The following ADGRL3 variants were observed in gnomAD, a reference collection of about 807,000 sequenced individuals.
The protein encoded by ADGRL3 is adhesion G protein-coupled receptor L3.
ADGRL3 carries 62 observed loss-of-function variants against 153.5 expected under a neutral mutation model. That is an observed-to-expected ratio of 0.40 (90% confidence interval 0.33 to 0.50). The LOEUF (loss-of-function observed/expected upper bound fraction) is 0.50, where lower values mean the gene tolerates loss of function less well. Ranked by LOEUF, ADGRL3 falls within the 20% of genes least tolerant of loss-of-function variation. The pLI is 0.47. For synonymous variants in ADGRL3, 710 were observed against 672.5 expected, an observed-to-expected ratio of 1.06 and a Z score of -0.86; for missense variants, 1,641 against 1,859.4, an observed-to-expected ratio of 0.88 and a Z score of 2.16.
chr4:62,054,387 C>T (rs1735893153), intron 25 of ADGRL3, among the ~76,000 whole-genome samples: 1 of 151,574 alleles, frequency 6.6e-6, no homozygotes, highest in South Asian at 2.1e-4. Context: ...AGTTTCAATC[C>T]TACCACTGTT....
chr4:61,984,685 GT>G (rs1026097469), intron 19 of ADGRL3, among the ~76,000 whole-genome samples: 2 of 152,056 alleles, frequency 1.3e-5, no homozygotes, highest in Non-Finnish European at 2.9e-5. Flanking sequence ...CAACAAGTCT[GT>G]TTTTTTAAGA....
At chr4:62,041,882 T>A (rs1274339396) in intron 24 of ADGRL3, among the ~76,000 whole-genome samples, 3 of 151,994 alleles carry the variant, frequency 2.0e-5, no homozygotes, top group Non-Finnish European at 4.4e-5. Context: ...GTGCAGTGAG[T>A]TGTTAACCTC....
At chr4:61,469,424 A>G (rs534344728) in intron 2 of ADGRL3, among the ~76,000 whole-genome samples, 30 of 152,180 alleles carry the variant, frequency 2.0e-4, no homozygotes, top group African/African-American at 6.5e-4. Flanking sequence ...TGACTAAGTA[A>G]AGACTTTTGT....
intron 8 of ADGRL3, among the ~76,000 whole-genome samples, chr4:61,752,116 A>G (rs2096764593): frequency 6.6e-6 from 1 of 152,196 alleles, no homozygotes; most frequent in Non-Finnish European, 1.5e-5. Context: ...CAATTTGTCC[A>G]TACTTACCTC....
chr4:61,964,067 C>G (rs1372042923), intron 17 of ADGRL3, among the ~76,000 whole-genome samples: 1 of 152,098 alleles, frequency 6.6e-6, no homozygotes, highest in Non-Finnish European at 1.5e-5. Flanking sequence ...TCTTTATTTC[C>G]CAAGTTTATA....
chr4:62,035,826 G>A (rs1724678690), intron 23 of ADGRL3, among the ~76,000 whole-genome samples: 1 of 152,048 alleles, frequency 6.6e-6, no homozygotes, highest in South Asian at 2.1e-4. Context: ...TGACTTTTCA[G>A]TCTTGTAGTT....
intron 1 of ADGRL3, among the ~76,000 whole-genome samples, chr4:61,357,700 T>A (rs1171640718): frequency 6.6e-6 from 1 of 152,178 alleles, no homozygotes; most frequent in Non-Finnish European, 1.5e-5. Context: ...TGAAAATACA[T>A]ATATGTAAAT....
intron 2 of ADGRL3, among the ~76,000 whole-genome samples, chr4:61,462,607 TAATA>T (rs200420205): frequency 0.011 from 1,702 of 152,248 alleles, 32 homozygotes; most frequent in African/African-American, 0.039. Flanking sequence ...TACTTTCCCT[TAATA>T]AATTATCTAA....
chr4:61,554,577 C>T (rs147308458), intron 4 of ADGRL3, among the ~76,000 whole-genome samples: 1 of 152,168 alleles, frequency 6.6e-6, no homozygotes, highest in Non-Finnish European at 1.5e-5. Flanking sequence ...TGTGTGTGCA[C>T]TGTGTGCATG....
chr4:61,202,837 G>C lies in ADGRL3; in HGVS notation c.-240+1072G>C. Among the ~76,000 whole-genome samples the C allele has an allele frequency of 6.6e-6, 1 of 152,222 alleles. No homozygotes were observed. The highest frequency in any genetic ancestry group is 1.9e-4 in the East Asian group (1 of 5,182). On this transcript the variant is annotated intron_variant, in intron 1 of 26. Transcript: ENST00000683033. The surrounding 1 kb of genome is among the most constrained non-coding windows in gnomAD (Gnocchi z 5.0). ...ACTTGGCGGCGGAGTCAGCGTTTGA[G>C]TGTGTGCGCATTTTTGCGCCCCAGG...
At chr4:61,384,124 G>C (rs898809161) in intron 2 of ADGRL3, among the ~76,000 whole-genome samples, 2 of 151,828 alleles carry the variant, frequency 1.3e-5, no homozygotes, top group African/African-American at 4.8e-5. Flanking sequence ...AGTAAAGAGT[G>C]ACTTAAAACT....
chr4:61,274,807 G>C (rs1029018920), intron 1 of ADGRL3, among the ~76,000 whole-genome samples: 4 of 152,034 alleles, frequency 2.6e-5, no homozygotes, highest in Non-Finnish European at 5.9e-5. Flanking sequence ...GGTGGTGCAC[G>C]CTTGTTGTCA....
At chr4:61,927,846 A>G (rs1392021463) in intron 13 of ADGRL3, among the ~76,000 whole-genome samples, 1 of 152,080 alleles carries the variant, frequency 6.6e-6, no homozygotes, top group East Asian at 1.9e-4. Context: ...ATTAAAGAAA[A>G]TTTTGTTTTT....
At chr4:61,327,279 C>T (rs2095484465) in intron 1 of ADGRL3, among the ~76,000 whole-genome samples, 1 of 150,346 alleles carries the variant, frequency 6.7e-6, no homozygotes, top group African/African-American at 2.4e-5. Flanking sequence ...ACATCCAGAG[C>T]TTCAAAAGTA....
At chr4:62,005,676 T>C (rs1410660459) in intron 21 of ADGRL3, among the ~76,000 whole-genome samples, 1 of 151,950 alleles carries the variant, frequency 6.6e-6, no homozygotes, top group Non-Finnish European at 1.5e-5. Context: ...AAAATCTGAA[T>C]TAATTTAAAC....
chr4:61,964,770 T>G (rs898721647), intron 17 of ADGRL3, among the ~76,000 whole-genome samples: 2 of 151,970 alleles, frequency 1.3e-5, no homozygotes, highest in African/African-American at 2.4e-5. Flanking sequence ...AAAATTTAAA[T>G]ATAATGGTTC....
chr4:61,485,842 C>A (rs1034843973), intron 2 of ADGRL3, among the ~76,000 whole-genome samples: 4 of 151,806 alleles, frequency 2.6e-5, no homozygotes, highest in Non-Finnish European at 5.9e-5. Flanking sequence ...CCCTGAAATG[C>A]ATACTGTAGC....
At chr4:61,256,127 C>G (rs2091941342) in intron 1 of ADGRL3, among the ~76,000 whole-genome samples, 1 of 152,154 alleles carries the variant, frequency 6.6e-6, no homozygotes, top group Admixed American at 6.5e-5. Flanking sequence ...TTTCTCAAAA[C>G]ACATTTTTTA....
rs1746139751 is a variant in ADGRL3 at position 62,072,967 on chromosome 4, T to A, written c.*2059T>A. 1 of 152,156 alleles carries A rather than the reference T, an allele frequency of 6.6e-6. No homozygotes were observed. The highest frequency in any genetic ancestry group is 2.4e-5 in the African/African-American group (1 of 41,456). The allele number at this position is 152,156 out of a possible 1,614,324, so 9.4% of individuals were successfully genotyped here. On this transcript the variant is annotated 3_prime_UTR_variant, in exon 27 of 27. Coordinates refer to ENST00000683033, the MANE Select transcript of ADGRL3 (RefSeq NM_001387552.1). ...TATATATGAGGGAAATCGGAAAAGA[T>A]AAAGAAGTTCTTTCAAAGAAACTTT...
Sources: allele counts gnomAD v4.1 joint callset (sites outside exome capture counted in the v4.1 genomes callset), GRCh38; gene constraint gnomAD v4.1.1; non-coding constraint Gnocchi (gnomAD v3.1); transcripts MANE v1.5; gene names NCBI Gene and HGNC (gene_info 2026-07-23, HGNC 2026-07-21).